ATP8A2: variants seen among roughly 807,000 people sequenced by gnomAD.
The protein encoded by ATP8A2 is phospholipid-transporting ATPase IB.
A neutral mutation model predicts 165.6 loss-of-function variants in ATP8A2; 100 were observed. The ratio of observed to expected loss-of-function variants is 0.60; its 90% confidence interval spans 0.51 to 0.71. The LOEUF (loss-of-function observed/expected upper bound fraction) is 0.71, where lower values mean the gene tolerates loss of function less well. Among genes scored for constraint, ATP8A2 ranks in the 30% least tolerant of loss-of-function variants. The pLI is 0.00. For synonymous variants in ATP8A2, 543 were observed against 548.8 expected (o/e 0.99, Z 0.15); for missense variants, 1,227 against 1,479.5 (o/e 0.83, Z 2.80).
intron 1 of ATP8A2, among the ~76,000 whole-genome samples, chr13:25,432,367 C>T (rs1205162218): frequency 6.6e-6 from 1 of 152,168 alleles, no homozygotes; most frequent in Non-Finnish European, 1.5e-5. Context: ...ACAGTGCTCC[C>T]CTAGGGAATA....
At chr13:25,397,918 C>T (rs1312575743) in intron 1 of ATP8A2, among the ~76,000 whole-genome samples, 1 of 152,120 alleles carries the variant, frequency 6.6e-6, no homozygotes. Flanking sequence ...TTCAGCTTCA[C>T]CTGAATTGTT....
intron 24 of ATP8A2, among the ~76,000 whole-genome samples, chr13:25,688,163 T>C (rs1017745216): frequency 3.9e-5 from 6 of 152,112 alleles, no homozygotes; most frequent in Non-Finnish European, 7.3e-5. Context: ...TCTGAAACTC[T>C]TGGGCCTCTA....
chr13:25,377,725 G>A (rs1044168413), intron 1 of ATP8A2, among the ~76,000 whole-genome samples: 2 of 152,194 alleles, frequency 1.3e-5, no homozygotes, highest in African/African-American at 4.8e-5. Context: ...CTGTGAGGTG[G>A]AGGTTGTGGT....
At chr13:25,852,371 C>T (rs1952028583) in intron 30 of ATP8A2, among the ~76,000 whole-genome samples, 1 of 152,176 alleles carries the variant, frequency 6.6e-6, no homozygotes, top group Non-Finnish European at 1.5e-5. Flanking sequence ...CGTAGTGCCA[C>T]ATTTAATAAA....
intron 24 of ATP8A2, among the ~76,000 whole-genome samples, chr13:25,606,805 T>G (rs1025699161): frequency 6.6e-6 from 1 of 152,194 alleles, no homozygotes; most frequent in Non-Finnish European, 1.5e-5. Flanking sequence ...TATTAATCAC[T>G]TGAAACATAA....
intron 24 of ATP8A2, among the ~76,000 whole-genome samples, chr13:25,695,028 T>G (rs2042806143): frequency 6.6e-6 from 1 of 152,206 alleles, no homozygotes; most frequent in African/African-American, 2.4e-5. Context: ...AGAACATTAT[T>G]CTATTAATGT....
chr13:25,560,181 G>A (rs1402005458), intron 15 of ATP8A2, among the ~76,000 whole-genome samples: 2 of 151,982 alleles, frequency 1.3e-5, no homozygotes, highest in Non-Finnish European at 1.5e-5. Context: ...GTAAATAAAA[G>A]TTGCATATAT....
At chr13:25,962,631 A>G (rs572412235) in intron 34 of ATP8A2, among the ~76,000 whole-genome samples, 1 of 152,294 alleles carries the variant, frequency 6.6e-6, no homozygotes, top group South Asian at 2.1e-4. Flanking sequence ...AACTTCTCTG[A>G]AAATTGAGAC....
chr13:25,389,263 C>T (rs1329785152), intron 1 of ATP8A2, among the ~76,000 whole-genome samples: 1 of 152,164 alleles, frequency 6.6e-6, no homozygotes, highest in Non-Finnish European at 1.5e-5. Flanking sequence ...TAAAGTAGAA[C>T]ATGACTTTGT....
chr13:25,445,224 G>C (rs61947605), intron 1 of ATP8A2, among the ~76,000 whole-genome samples: 1 of 152,004 alleles, frequency 6.6e-6, no homozygotes, highest in Non-Finnish European at 1.5e-5. Context: ...AGAAAACTTT[G>C]CCTCCCTTGG....
At chr13:25,539,060 AGTGTGTGTGTGTGTGTGT>A (rs57382485) in intron 7 of ATP8A2, among the ~76,000 whole-genome samples, 1 of 137,410 alleles carries the variant, frequency 7.3e-6, no homozygotes, top group Non-Finnish European at 1.6e-5. Context: ...TAGAAAATTT[AGTGTGTGTGTGTGTGTGT>A]GTGTGTGTGT....
In ATP8A2 at chr13:25,453,701, A is replaced by C. The variant is rs144615275; in HGVS notation, c.77-15276A>C. Among the ~76,000 whole-genome samples the C allele has an allele frequency of 5.6e-4, 85 of 152,356 alleles. 1 individual carries two copies. The East Asian group carries it at 0.014, about 25-fold the overall frequency. The stretch of plus-strand genomic sequence containing the variant: ...GTGCTTTGCTTCTAAAGAAAGACTA[A>C]CGTTCTATAAGAAAAGTGTTTTGAT... On this transcript the variant is annotated intron_variant, in intron 1 of 36. Transcript: ENST00000381655.
At chr13:25,769,000 T>C (rs2044556503) in intron 25 of ATP8A2, 46 bp from the exon 26 acceptor site, 2 of 1,572,400 alleles carry the variant, frequency 1.3e-6, no homozygotes, top group East Asian at 2.2e-5. Context: ...AGCTGTTTCC[T>C]CTGGAAAGAC....
At chr13:25,628,323 T>G (rs1230197844) in intron 24 of ATP8A2, among the ~76,000 whole-genome samples, 1 of 152,166 alleles carries the variant, frequency 6.6e-6, no homozygotes, top group Non-Finnish European at 1.5e-5. Flanking sequence ...CAGCTTTGCT[T>G]TACCCTTTAT....
At chr13:25,760,743 A>G (rs2044364103) in intron 25 of ATP8A2, among the ~76,000 whole-genome samples, 1 of 152,230 alleles carries the variant, frequency 6.6e-6, no homozygotes, top group Non-Finnish European at 1.5e-5. Flanking sequence ...TAGCATATTA[A>G]CATACATAAT....
Position 25,541,935 on chromosome 13 carries a change from C to T in ATP8A2, c.668C>T (p.Ala223Val). Reference sequence around the variant, plus strand: ...ATCTTTTAGGGTTTGAGTCACACTGCTGACATGCAAACACGTGAAGTTCTG... The same window carrying T: ...ATCTTTTAGGGTTTGAGTCACACTGTTGACATGCAAACACGTGAAGTTCTG... ...LKIRQGLSHT[A>V]DMQTREVLMK... The change falls in exon 9 of 37, where the codon GCT (alanine) becomes GTT (valine). Residue 223 changes from alanine to valine, a missense_variant. Transcript: ENST00000381655. The T allele has an allele frequency of 6.2e-7, 1 of 1,614,062 alleles. No homozygotes were observed. The highest frequency in any genetic ancestry group is 8.5e-7 in the Non-Finnish European group (1 of 1,179,988).
At chr13:25,957,766 T>G (rs933631264) in intron 33 of ATP8A2, among the ~76,000 whole-genome samples, 1 of 152,182 alleles carries the variant, frequency 6.6e-6, no homozygotes, top group African/African-American at 2.4e-5. Flanking sequence ...CATTCCTGGG[T>G]ATATACCCAA....
At chr13:25,504,449 T>C (rs1350409187) in intron 2 of ATP8A2, among the ~76,000 whole-genome samples, 1 of 144,852 alleles carries the variant, frequency 6.9e-6, no homozygotes, top group Non-Finnish European at 1.5e-5. Flanking sequence ...TTTTAAAAAG[T>C]ATACAGTGCG....
At chr13:25,836,480 G>A (rs976199746) in intron 28 of ATP8A2, among the ~76,000 whole-genome samples, 1 of 152,086 alleles carries the variant, frequency 6.6e-6, no homozygotes, top group South Asian at 2.1e-4. Flanking sequence ...GATACTCTTT[G>A]GTGCAAGAAT....
Sources: gnomAD v4.1 joint callset for allele counts (sites outside exome capture counted in the v4.1 genomes callset) on GRCh38, gnomAD v4.1.1 for gene constraint, MANE v1.5 for transcripts, NCBI Gene and HGNC (gene_info 2026-07-23, HGNC 2026-07-21) for gene names.